CSMD1: variants seen among roughly 807,000 people sequenced by gnomAD.
CSMD1 encodes the protein CUB and Sushi multiple domains 1, also known as CUB and sushi domain-containing protein 1.
Under a neutral mutation model 417.5 loss-of-function variants are expected in CSMD1, and 213 were observed. The ratio of observed to expected loss-of-function variants is 0.51; its 90% confidence interval spans 0.46 to 0.57. The LOEUF (loss-of-function observed/expected upper bound fraction) is 0.57. Among genes scored for constraint, CSMD1 ranks in the 20% least tolerant of loss-of-function variants. The pLI, the probability that CSMD1 is intolerant of heterozygous loss-of-function variation, is 0.00. For missense variants in CSMD1, 6,923 were observed against 4,529.7 expected (o/e 1.53, Z -15.17); for synonymous variants, 2,862 against 1,736.8 (o/e 1.65, Z -16.11).
chr8:4,793,853 ACTC>A (rs925438698), intron 1 of CSMD1, among the ~76,000 whole-genome samples: 17 of 143,356 alleles, frequency 1.2e-4, no homozygotes, highest in African/African-American at 4.0e-4. Flanking sequence ...AAAAAAAAAA[ACTC>A]CTCTGATTAA....
intron 3 of CSMD1, among the ~76,000 whole-genome samples, chr8:4,122,386 C>A (rs1371734897): frequency 6.6e-6 from 1 of 152,182 alleles, no homozygotes; most frequent in Non-Finnish European, 1.5e-5. Flanking sequence ...ATTTGCCAGG[C>A]TGTACACCAA....
intron 26 of CSMD1, among the ~76,000 whole-genome samples, chr8:3,248,576 C>T (rs1300093458): frequency 6.9e-6 from 1 of 145,958 alleles, no homozygotes; most frequent in African/African-American, 2.5e-5. Flanking sequence ...GTCGCCCAGC[C>T]TGGAGTACAG....
At chr8:4,306,015 C>T (rs1187897401) in intron 3 of CSMD1, among the ~76,000 whole-genome samples, 2 of 152,064 alleles carry the variant, frequency 1.3e-5, no homozygotes, top group Admixed American at 6.6e-5. Flanking sequence ...ATATTATACT[C>T]GGTGCATTTG....
chr8:3,201,073 T>C (rs1183010816), intron 32 of CSMD1, among the ~76,000 whole-genome samples: 1 of 152,216 alleles, frequency 6.6e-6, no homozygotes, highest in Non-Finnish European at 1.5e-5. Flanking sequence ...CTTCTGTATG[T>C]GATTTTAAGG....
intron 3 of CSMD1, among the ~76,000 whole-genome samples, chr8:4,299,352 T>A (rs1181542475): frequency 6.6e-6 from 1 of 152,182 alleles, no homozygotes; most frequent in South Asian, 2.1e-4. Context: ...GGTTTTTACT[T>A]GACATATTGT....
At chr8:4,196,632 G>A (rs912933901) in intron 3 of CSMD1, among the ~76,000 whole-genome samples, 1 of 152,130 alleles carries the variant, frequency 6.6e-6, no homozygotes, top group African/African-American at 2.4e-5. Context: ...GCAATGCTGG[G>A]TCCAGTCCTC....
chr8:3,418,605 G>T (rs559627601), intron 12 of CSMD1, among the ~76,000 whole-genome samples: 1 of 152,274 alleles, frequency 6.6e-6, no homozygotes, highest in South Asian at 2.1e-4. Flanking sequence ...ACAATGTCCT[G>T]TGTCTCAGCT....
In CSMD1 at chr8:3,062,557, TAAAA is replaced by T. The variant is rs71199533; in HGVS notation, c.7475-9914_7475-9911del. On this transcript the variant is annotated intron_variant, in intron 49 of 69. Transcript: ENST00000635120. The stretch of plus-strand genomic sequence containing the variant: ...AAAACAACAACAAAACAAAACACAT[TAAAA>T]AAAAAAAAGCCCAGCAGCTATGAAA... Among the ~76,000 whole-genome samples the T allele has an allele frequency of 7.0e-3, 980 of 140,230 alleles. 6 individuals carry two copies. The highest frequency in any genetic ancestry group is 0.011 in the Non-Finnish European group (715 of 64,426). 92.0% of individuals were successfully genotyped at this position (140,230 alleles called of 152,430 possible). A position where few individuals can be genotyped will look rare whatever the true frequency, so the allele number is the denominator to read the frequency against.
chr8:4,768,722 T>A (rs1796449842), intron 1 of CSMD1, among the ~76,000 whole-genome samples: 1 of 152,136 alleles, frequency 6.6e-6, no homozygotes. Flanking sequence ...AGCACCAAAC[T>A]CCCCAGGAGT....
At chr8:3,776,295 G>A (rs1015369273) in intron 5 of CSMD1, among the ~76,000 whole-genome samples, 3 of 152,134 alleles carry the variant, frequency 2.0e-5, no homozygotes, top group African/African-American at 7.2e-5. Context: ...ACTGTCCAGA[G>A]GGGTCACATA....
intron 8 of CSMD1, among the ~76,000 whole-genome samples, chr8:3,605,367 T>A (rs1314547616): frequency 6.6e-6 from 1 of 152,208 alleles, no homozygotes; most frequent in Non-Finnish European, 1.5e-5. Context: ...TTCTTTACAT[T>A]TTCATGTAAC....
At chr8:3,408,326 C>A (rs906100641) in intron 13 of CSMD1, 101 bp from the exon 14 acceptor site, 1 of 751,206 alleles carries the variant, frequency 1.3e-6, no homozygotes, top group Non-Finnish European at 2.1e-6. Context: ...TTCATGCCTG[C>A]AAATAGCTAT....
chr8:4,447,176 T>A (rs980808556), intron 2 of CSMD1, among the ~76,000 whole-genome samples: 4 of 152,210 alleles, frequency 2.6e-5, no homozygotes, highest in African/African-American at 9.7e-5. Flanking sequence ...TGATCCCATG[T>A]TATTTCCCAA....
rs1481610489 is a variant in CSMD1, at chr8:4,137,779, CTA to C, written c.416-105682_416-105681del. ...CTTTCCTAAATTTCTCAAGGAAAAT[CTA>C]AGCCTTATAATCCAAATTAATTTTC... On this transcript the variant is annotated intron_variant, in intron 3 of 69. Coordinates refer to ENST00000635120, the MANE Select transcript of CSMD1 (RefSeq NM_033225.6). 2.6e-5 allele frequency among the ~76,000 whole-genome samples: 2 copies of C among 77,524 alleles called. 1 individual carries two copies. The highest frequency in any genetic ancestry group is 3.0e-4 in the Admixed American group (2 of 6,746). The allele number at this position is 77,524 out of a possible 152,430, so 50.9% of individuals were successfully genotyped here.
chr8:4,332,984 G>A (rs1799962621), intron 3 of CSMD1, among the ~76,000 whole-genome samples: 1 of 148,600 alleles, frequency 6.7e-6, no homozygotes, highest in Non-Finnish European at 1.5e-5. Flanking sequence ...CAGTTTTGAG[G>A]TAAACGTCAT....
chr8:3,533,898 G>A (rs746857656), intron 10 of CSMD1, among the ~76,000 whole-genome samples: 3 of 152,066 alleles, frequency 2.0e-5, no homozygotes, highest in Non-Finnish European at 4.4e-5. Context: ...GTATCAGCTC[G>A]TCATTCACCA....
At chr8:3,591,887 CAG>C (rs1236089539) in intron 8 of CSMD1, among the ~76,000 whole-genome samples, 1 of 151,634 alleles carries the variant, frequency 6.6e-6, no homozygotes, top group Admixed American at 6.6e-5. Context: ...GGATAGATGA[CAG>C]ATAGCTGGAT....
chr8:4,093,087 C>T (rs1000369316), intron 3 of CSMD1, among the ~76,000 whole-genome samples: 8 of 152,048 alleles, frequency 5.3e-5, no homozygotes, highest in African/African-American at 1.4e-4. Context: ...ATTTTAACCA[C>T]ATAATTAACT....
At chr8:4,369,292 G>C (rs1763799238) in intron 3 of CSMD1, among the ~76,000 whole-genome samples, 1 of 151,964 alleles carries the variant, frequency 6.6e-6, no homozygotes, top group Non-Finnish European at 1.5e-5. Context: ...TTTTGTTTGT[G>C]CTGTTTTATT....
Sources: gnomAD v4.1 joint callset for allele counts (sites outside exome capture counted in the v4.1 genomes callset) on GRCh38, gnomAD v4.1.1 for gene constraint, MANE v1.5 for transcripts, NCBI Gene and HGNC (gene_info 2026-07-23, HGNC 2026-07-21) for gene names.